Variants in P2RY12 observed in about 807,000 individuals in gnomAD.
P2RY12 encodes the protein purinergic receptor P2Y12, also known as P2Y purinoceptor 12.
A neutral mutation model predicts 4.5 loss-of-function variants in P2RY12; 3 were observed. That is an observed-to-expected ratio of 0.67 (90% CI 0.31 to 1.74). P2RY12 has a LOEUF of 1.74. P2RY12 is among the 40% of genes most tolerant of loss of function. The pLI is 0.09. For synonymous variants in P2RY12, 148 were observed against 154.1 expected, an observed-to-expected ratio of 0.96 and a Z score of 0.29; for missense variants, 356 against 407.8, an observed-to-expected ratio of 0.87 and a Z score of 1.09.
intron 1 of P2RY12, among the ~76,000 whole-genome samples, chr3:151,374,794 C>T (rs1282051198): frequency 6.6e-6 from 1 of 151,922 alleles, no homozygotes; most frequent in Non-Finnish European, 1.5e-5. Context: ...TATAGAATAG[C>T]TTACTTTCAA....
At chr3:151,365,178 G>A (rs1755122637) in intron 1 of P2RY12, 3 of 1,614,004 alleles carry the variant, frequency 1.9e-6, no homozygotes, top group Middle Eastern at 1.6e-4. Flanking sequence ...ACTCATGAAT[G>A]TATGTATGGG....
intron 1 of P2RY12, 82 bp downstream of exon 1, chr3:151,384,610 T>TA (rs945267952): frequency 2.8e-4 from 53 of 186,968 alleles, no homozygotes; most frequent in Middle Eastern, 2.1e-3. Context: ...CAGACTCCTT[T>TA]AAAAAAAAAT....
Position 151,343,611 on chromosome 3 carries a change from C to A in P2RY12, c.-179-2851G>T, listed in dbSNP as rs1752151275. 2.0e-5 allele frequency among the ~76,000 whole-genome samples: 3 copies of A among 149,270 alleles called. No individual in the cohort carries two copies. In the South Asian group the frequency reaches 6.2e-4, roughly 31 times the overall value. ...GCAAGTTATAGATACTTTAATCTCT[C>A]ATTAGTAAATAACATCAACACATAC... On this transcript the variant is annotated intron_variant, in intron 1 of 2. Coordinates refer to ENST00000302632, the MANE Select transcript of P2RY12 (RefSeq NM_022788.5).
intron 1 of P2RY12, among the ~76,000 whole-genome samples, chr3:151,358,164 T>C (rs1560072673): frequency 2.0e-5 from 3 of 152,196 alleles, no homozygotes; most frequent in Admixed American, 1.3e-4. Flanking sequence ...TAGAATGATA[T>C]CAATTTAACA....
Position 151,338,243 on chromosome 3 carries a change from A to G in P2RY12, c.603T>C (p.Asn201=). The G allele has an allele frequency of 6.2e-7, 1 of 1,614,122 alleles. No individual in the cohort carries two copies. Among genetic ancestry groups the G allele is most frequent in the Non-Finnish European group, 8.5e-7 (1 of 1,179,982 alleles). Residue 201 remains asparagine (N), a synonymous_variant, in exon 3 of 3, where the codon AAT becomes AAC. Coordinates refer to ENST00000302632, the MANE Select transcript of P2RY12 (RefSeq NM_022788.5). ...NYICQVIFWI[N]FLIVIVCYTL... is the part of the protein sequence containing the mutation. The stretch of plus-strand genomic sequence containing the variant: ...TATAACATACAATAACAATTAAGAA[A>G]TTAATCCAGAAAATGACTTGACAGA...
chr3:151,364,822 C>A (rs936880694), intron 1 of P2RY12, among the ~76,000 whole-genome samples: 3 of 152,006 alleles, frequency 2.0e-5, no homozygotes, highest in African/African-American at 4.8e-5. Context: ...CTTTGATTAG[C>A]GCCAATTAGT....
intron 1 of P2RY12, chr3:151,366,055 T>C: frequency 7.5e-7 from 1 of 1,332,710 alleles, no homozygotes; most frequent in Non-Finnish European, 9.9e-7. Context: ...GTGGGTAATC[T>C]TTTTGCTTTT....
chr3:151,374,814 T>G (rs947138820), intron 1 of P2RY12, among the ~76,000 whole-genome samples: 3 of 152,166 alleles, frequency 2.0e-5, no homozygotes, highest in African/African-American at 7.2e-5. Flanking sequence ...AAAGTGAAAC[T>G]ATACAAAAAA....
chr3:151,356,160 G>A lies in P2RY12; in HGVS notation c.-179-15400C>T, dbSNP rs994966422. 10 of 994,984 alleles carry A rather than the reference G, an allele frequency of 1.0e-5. 1 individual carries two copies. The highest frequency in any genetic ancestry group is 5.4e-5 in the East Asian group (2 of 37,194). 61.6% of individuals were successfully genotyped at this position (994,984 alleles called of 1,614,324 possible). On this transcript the variant is annotated intron_variant, in intron 1 of 2. Coordinates refer to ENST00000302632, the MANE Select transcript of P2RY12 (RefSeq NM_022788.5). ...TGTGCTTGTAATCCTGGCACTTTGG[G>A]AGGCCGAGGTAGGAGGATTGCTTGA...
intron 1 of P2RY12, chr3:151,360,333 T>A (rs1754460251): frequency 1.4e-6 from 1 of 716,658 alleles, no homozygotes; most frequent in African/African-American, 1.8e-5. Flanking sequence ...ACTGAGTTAT[T>A]TACTATTCTA....
intron 1 of P2RY12, among the ~76,000 whole-genome samples, chr3:151,353,252 A>G (rs1469323585): frequency 6.6e-6 from 1 of 152,244 alleles, no homozygotes; most frequent in Admixed American, 6.5e-5. Context: ...CATTTTGTGC[A>G]CAAGACTATT....
chr3:151,347,853 A>ATTAG (rs1355917028), intron 1 of P2RY12, among the ~76,000 whole-genome samples: 1 of 152,132 alleles, frequency 6.6e-6, no homozygotes, highest in Non-Finnish European at 1.5e-5. Flanking sequence ...GAGGTTTAGA[A>ATTAG]AGGTTTATTA....
chr3:151,355,564 C>T (rs982193463), intron 1 of P2RY12, among the ~76,000 whole-genome samples: 9 of 152,014 alleles, frequency 5.9e-5, no homozygotes, highest in Admixed American at 2.0e-4. Flanking sequence ...TAAAATACTA[C>T]GACATTGAGA....
chr3:151,382,764 A>C (rs774983880), intron 1 of P2RY12: 9 of 1,587,642 alleles, frequency 5.7e-6, no homozygotes, highest in Non-Finnish European at 7.8e-6. Flanking sequence ...CATTTCTAGT[A>C]TTTTCCCTCC....
intron 1 of P2RY12, among the ~76,000 whole-genome samples, chr3:151,359,187 T>C (rs556943989): frequency 3.9e-5 from 6 of 152,298 alleles, no homozygotes; most frequent in Admixed American, 3.9e-4. Flanking sequence ...TGCTTGGCTT[T>C]CTGTTTCTGC....
At chr3:151,373,208 G>T (rs9859552) in intron 1 of P2RY12, among the ~76,000 whole-genome samples, 16,974 of 152,140 alleles carry the variant, frequency 0.11, 1,285 homozygotes, top group Middle Eastern at 0.18. Flanking sequence ...TGTTGGATTT[G>T]TCTGAGGTTT....
intron 1 of P2RY12, chr3:151,382,762 G>A: frequency 6.3e-7 from 1 of 1,589,296 alleles, no homozygotes; most frequent in Non-Finnish European, 8.6e-7. Context: ...GACATTTCTA[G>A]TATTTTCCCT....
chr3:151,361,832 G>A (rs1156229167), intron 1 of P2RY12, among the ~76,000 whole-genome samples: 2 of 152,044 alleles, frequency 1.3e-5, no homozygotes, highest in Non-Finnish European at 2.9e-5. Flanking sequence ...ACTTCAAATA[G>A]CATCCCCAAC....
intron 1 of P2RY12, chr3:151,369,318 C>A (rs918505099): frequency 1.7e-6 from 1 of 575,158 alleles, no homozygotes; most frequent in Non-Finnish European, 3.1e-6. Context: ...TCAATTAAAG[C>A]AAGCTAATGG....
Sources: allele counts gnomAD v4.1 joint callset (sites outside exome capture counted in the v4.1 genomes callset), GRCh38; gene constraint gnomAD v4.1.1; transcripts MANE v1.5; gene names NCBI Gene and HGNC (gene_info 2026-07-23, HGNC 2026-07-21).